SATB2: variants seen among roughly 807,000 people sequenced by gnomAD.
SATB2 encodes DNA-binding protein SATB2.
A neutral mutation model predicts 73.4 loss-of-function variants in SATB2; 1 was observed. The observed-to-expected ratio is 0.01, with a 90% CI of 0.00 to 0.06. The LOEUF is 0.06. Ranked by LOEUF, SATB2 falls within the 10% of genes least tolerant of loss-of-function variation. The pLI is 1.00. For synonymous variants in SATB2, 397 were observed against 367.0 expected, an observed-to-expected ratio of 1.08 and a Z score of -0.93; for missense variants, 459 against 945.8, an observed-to-expected ratio of 0.49 and a Z score of 6.75.
At chr2:199,282,130 C>G (rs6735464) in intron 10 of SATB2, among the ~76,000 whole-genome samples, 119,605 of 151,672 alleles carry the variant, frequency 0.79, 49,025 homozygotes, top group Non-Finnish European at 0.89. Context: ...ATCCGCCCAC[C>G]TTGGCCTCCC....
rs1304951918 is a variant in SATB2, at chr2:199,272,706, A to C, written c.1741-34T>G. The C allele has an allele frequency of 5.1e-6, 8 of 1,583,538 alleles. No homozygotes were observed. The highest frequency in any genetic ancestry group is 6.1e-6 in the Non-Finnish European group (7 of 1,152,338). On this transcript the variant is annotated intron_variant, in intron 10 of 10. Transcript: ENST00000417098. This position sits in a 1 kb window ranked among gnomAD's most constrained non-coding sequence, Gnocchi z 6.7. ...TAAGAGAGAAAAAAATGAACACTGG[A>C]CTCATGATTTTACCTTTCCAAAACC...
chr2:199,274,271 CCCTGCCACCTTT>C (rs1692245860), intron 10 of SATB2, among the ~76,000 whole-genome samples: 2 of 152,128 alleles, frequency 1.3e-5, no homozygotes, highest in Admixed American at 1.3e-4. Context: ...ACACTACCAT[CCCTGCCACCTTT>C]CCTGCCACCA....
intron 7 of SATB2, among the ~76,000 whole-genome samples, chr2:199,341,830 G>A (rs1340044969): frequency 6.6e-6 from 1 of 152,176 alleles, no homozygotes; most frequent in Admixed American, 6.6e-5. Context: ...TCCTCAGATA[G>A]AGACTACCAC....
At chr2:199,395,654 C>G (rs1055425769) in intron 3 of SATB2, among the ~76,000 whole-genome samples, 2 of 152,080 alleles carry the variant, frequency 1.3e-5, no homozygotes, top group Non-Finnish European at 2.9e-5. Context: ...AAATTTCTTC[C>G]CCAATCACAT....
upstream of SATB2, among the ~76,000 whole-genome samples, chr2:199,461,176 G>T (rs1692467152): frequency 6.6e-6 from 1 of 152,216 alleles, no homozygotes; most frequent in African/African-American, 2.4e-5. Context: ...GTTCTAGGAA[G>T]TTTTGTGATC....
At chr2:199,370,425 G>T (rs1823126) in intron 5 of SATB2, among the ~76,000 whole-genome samples, 94,546 of 151,934 alleles carry the variant, frequency 0.62, 32,181 homozygotes, top group Non-Finnish European at 0.76. Context: ...AGTCATACTG[G>T]TATATGTGAA....
At chr2:199,401,777 G>GT (rs1321354679) in intron 3 of SATB2, among the ~76,000 whole-genome samples, 1 of 152,170 alleles carries the variant, frequency 6.6e-6, no homozygotes, top group Non-Finnish European at 1.5e-5. Flanking sequence ...AGCTTGGAGA[G>GT]TAAGTGTTGC....
intron 7 of SATB2, among the ~76,000 whole-genome samples, chr2:199,330,001 C>T (rs1314827257): frequency 1.3e-5 from 2 of 152,136 alleles, no homozygotes; most frequent in African/African-American, 2.4e-5. Context: ...ATGTTAATCC[C>T]ATATCTTAGA....
intron 2 of SATB2, among the ~76,000 whole-genome samples, chr2:199,440,306 C>T (rs1691778195): frequency 1.3e-5 from 2 of 152,156 alleles, no homozygotes; most frequent in South Asian, 2.1e-4. Flanking sequence ...GCTAAGGCAG[C>T]CACAGGCTCT....
chr2:199,456,109 T>TG lies in SATB2; in HGVS notation c.-59-14dup. The TG allele has an allele frequency of 7.7e-6, 1 of 129,924 alleles. No individual in the cohort carries two copies. The highest frequency in any genetic ancestry group is 1.4e-3 in the Middle Eastern group (1 of 702). The allele number at this position is 129,924 out of a possible 1,614,324, so 8.0% of individuals were successfully genotyped here. Reference sequence around the variant, plus strand: ...AACGCACAGGGACCTAGGGAGGGGGTGGGGGGAGGAAGGGGGAGGGAGAAA... The same window carrying TG: ...AACGCACAGGGACCTAGGGAGGGGGTGGGGGGGAGGAAGGGGGAGGGAGAAA... On this transcript the variant is annotated splice_polypyrimidine_tract_variant and intron_variant, in intron 1 of 10. Transcript: ENST00000417098.
intron 2 of SATB2, among the ~76,000 whole-genome samples, chr2:199,449,220 T>G (rs961759853): frequency 6.6e-6 from 1 of 152,168 alleles, no homozygotes; most frequent in African/African-American, 2.4e-5. Context: ...GCACACTTGT[T>G]CCATATTATG....
At chr2:199,416,764 C>T (rs1383674274) in intron 3 of SATB2, among the ~76,000 whole-genome samples, 2 of 152,102 alleles carry the variant, frequency 1.3e-5, no homozygotes, top group African/African-American at 2.4e-5. Flanking sequence ...GGGCCAAGTG[C>T]GGTGACTCAC....
intron 3 of SATB2, among the ~76,000 whole-genome samples, chr2:199,421,798 A>G (rs1339288681): frequency 2.0e-5 from 3 of 152,234 alleles, no homozygotes; most frequent in Non-Finnish European, 4.4e-5. Flanking sequence ...CCACAGACAA[A>G]GGTAAGAAAG....
intron 3 of SATB2, among the ~76,000 whole-genome samples, chr2:199,402,539 G>A (rs979453224): frequency 1.3e-5 from 2 of 152,158 alleles, no homozygotes; most frequent in Non-Finnish European, 2.9e-5. Context: ...CTCCAGCCTA[G>A]GCGAGAGAGC....
intron 10 of SATB2, among the ~76,000 whole-genome samples, chr2:199,299,050 T>G (rs2105754225): frequency 6.6e-6 from 1 of 152,270 alleles, no homozygotes; most frequent in South Asian, 2.1e-4. Flanking sequence ...GGTGGTTTGG[T>G]TCATGTACTA....
At chr2:199,380,934 G>T (rs1689753307) in intron 4 of SATB2, among the ~76,000 whole-genome samples, 1 of 152,134 alleles carries the variant, frequency 6.6e-6, no homozygotes, top group Non-Finnish European at 1.5e-5. Context: ...ACCAAAAAAT[G>T]ACTTTTCAGA....
At chr2:199,425,153 A>C (rs901263687) in intron 3 of SATB2, among the ~76,000 whole-genome samples, 1 of 152,218 alleles carries the variant, frequency 6.6e-6, no homozygotes, top group Non-Finnish European at 1.5e-5. Context: ...TGTAGGTTTC[A>C]CACTTGAAAC....
chr2:199,349,737 G>C (rs563460181), intron 6 of SATB2, among the ~76,000 whole-genome samples: 1 of 151,934 alleles, frequency 6.6e-6, no homozygotes, highest in Non-Finnish European at 1.5e-5. Context: ...GTTTCTTTAA[G>C]AAATTGATAT....
intron 6 of SATB2, among the ~76,000 whole-genome samples, chr2:199,365,047 G>A (rs1689241811): frequency 6.6e-6 from 1 of 151,804 alleles, no homozygotes; most frequent in African/African-American, 2.4e-5. Context: ...TAGAACTTAG[G>A]AAAAAACTAC....
Sources: allele counts gnomAD v4.1 joint callset (sites outside exome capture counted in the v4.1 genomes callset), GRCh38; gene constraint gnomAD v4.1.1; non-coding constraint Gnocchi (gnomAD v3.1); transcripts MANE v1.5; gene names NCBI Gene and HGNC (gene_info 2026-07-23, HGNC 2026-07-21).